Variants in FHIT observed in about 807,000 individuals in gnomAD.
FHIT encodes fragile histidine triad diadenosine triphosphatase, also known as bis(5'-adenosyl)-triphosphatase.
In FHIT, 19 loss-of-function variants were observed where a neutral mutation model predicts 17.9. That is an observed-to-expected ratio of 1.06 (90% CI 0.74 to 1.56). FHIT has a LOEUF of 1.56. FHIT is among the 40% of genes most tolerant of loss of function. FHIT has a pLI of 0.00. For synonymous variants in FHIT, 81 were observed against 69.7 expected, an observed-to-expected ratio of 1.16 and a Z score of -0.81; for missense variants, 248 against 189.2, an observed-to-expected ratio of 1.31 and a Z score of -1.82.
intron 5 of FHIT, among the ~76,000 whole-genome samples, chr3:60,505,609 A>G (rs1466185774): frequency 6.6e-6 from 1 of 152,194 alleles, no homozygotes; most frequent in East Asian, 1.9e-4. Context: ...TCATCCTCCA[A>G]GGTTTCTTCC....
At chr3:60,531,846 G>A (rs919164339) in intron 5 of FHIT, among the ~76,000 whole-genome samples, 8 of 152,264 alleles carry the variant, frequency 5.3e-5, no homozygotes. Context: ...ATTGCTCTTT[G>A]GAAAGTTAAT....
At chr3:60,543,346 A>C (rs1389031784) in intron 4 of FHIT, among the ~76,000 whole-genome samples, 1 of 152,150 alleles carries the variant, frequency 6.6e-6, no homozygotes, top group Non-Finnish European at 1.5e-5. Context: ...ATCCCATATA[A>C]ATTTTAGCCT....
At chr3:60,018,808 T>C (rs957456920) in intron 5 of FHIT, among the ~76,000 whole-genome samples, 2 of 148,184 alleles carry the variant, frequency 1.3e-5, no homozygotes, top group Non-Finnish European at 3.0e-5. Context: ...TGAAACCCCA[T>C]CTCTACTAAA....
intron 4 of FHIT, among the ~76,000 whole-genome samples, chr3:60,594,161 T>G (rs181115798): frequency 6.6e-6 from 1 of 152,214 alleles, no homozygotes; most frequent in East Asian, 1.9e-4. Context: ...AAGGAGGATG[T>G]GTGAAAGTCT....
intron 5 of FHIT, among the ~76,000 whole-genome samples, chr3:60,200,578 C>T (rs1013111966): frequency 6.6e-6 from 1 of 151,816 alleles, no homozygotes; most frequent in Non-Finnish European, 1.5e-5. Context: ...CTTTCCTCTA[C>T]AGGGCATCCA....
intron 2 of FHIT, among the ~76,000 whole-genome samples, chr3:61,055,026 T>G (rs752270555): frequency 7.9e-5 from 12 of 152,206 alleles, no homozygotes; most frequent in Non-Finnish European, 1.5e-4. Flanking sequence ...ACATTACACG[T>G]GCATTTGCAT....
chr3:60,990,380 T>A (rs1440905466), intron 3 of FHIT, among the ~76,000 whole-genome samples: 1 of 152,182 alleles, frequency 6.6e-6, no homozygotes, highest in African/African-American at 2.4e-5. Context: ...ACCCCACGCA[T>A]TGAGCAGAAC....
intron 5 of FHIT, among the ~76,000 whole-genome samples, chr3:60,253,691 A>C (rs1208540691): frequency 6.6e-6 from 1 of 152,190 alleles, no homozygotes; most frequent in African/African-American, 2.4e-5. Flanking sequence ...TTAACTATGG[A>C]AACAAGGAAG....
At chr3:60,243,254 C>T (rs1475757696) in intron 5 of FHIT, among the ~76,000 whole-genome samples, 1 of 152,058 alleles carries the variant, frequency 6.6e-6, no homozygotes, top group African/African-American at 2.4e-5. Context: ...AGAGTTAACA[C>T]TCAATGAATG....
intron 5 of FHIT, among the ~76,000 whole-genome samples, chr3:60,480,468 C>T (rs1430830859): frequency 1.3e-5 from 2 of 152,260 alleles, no homozygotes; most frequent in East Asian, 3.9e-4. Context: ...AGTTCACATC[C>T]AAAATCTCAT....
At chr3:59,749,833 GTTAGTCCCA>G (rs1049446398) in intron 9 of FHIT, 1 of 223,682 alleles carries the variant, frequency 4.5e-6, no homozygotes, top group African/African-American at 2.3e-5. Flanking sequence ...GGGAGGTATA[GTTAGTCCCA>G]TTATACTCCA....
chr3:60,138,783 A>G (rs9860134), intron 5 of FHIT, among the ~76,000 whole-genome samples: 8,222 of 152,228 alleles, frequency 0.054, 298 homozygotes, highest in Non-Finnish European at 0.078. Context: ...GACCACGAGG[A>G]GTACCACTAC....
chr3:59,762,504 A>G (rs1206707014), intron 8 of FHIT, among the ~76,000 whole-genome samples: 1 of 152,120 alleles, frequency 6.6e-6, no homozygotes, highest in Non-Finnish European at 1.5e-5. Flanking sequence ...GATGAGACAC[A>G]CAAACACTGG....
intron 8 of FHIT, among the ~76,000 whole-genome samples, chr3:59,753,565 C>T (rs141529010): frequency 1.3e-5 from 2 of 152,266 alleles, no homozygotes; most frequent in Non-Finnish European, 2.9e-5. Context: ...CGCAGGTTAT[C>T]CGTTCATTCT....
At chr3:60,933,588 T>C (rs1708062218) in intron 3 of FHIT, among the ~76,000 whole-genome samples, 1 of 152,172 alleles carries the variant, frequency 6.6e-6, no homozygotes, top group Non-Finnish European at 1.5e-5. Flanking sequence ...GAGTAGGAAG[T>C]TGAATGTTCT....
chr3:60,826,476 A>G (rs2594136), intron 3 of FHIT, among the ~76,000 whole-genome samples: 22,533 of 152,098 alleles, frequency 0.15, 2,216 homozygotes, highest in Middle Eastern at 0.28. Flanking sequence ...ATAGGCACGC[A>G]CCACTACGCC....
At chr3:61,204,778 G>A (rs936334966) in intron 1 of FHIT, among the ~76,000 whole-genome samples, 4 of 152,078 alleles carry the variant, frequency 2.6e-5, no homozygotes, top group Admixed American at 6.6e-5. Flanking sequence ...TAGGCATGAC[G>A]AAAGTTAGCA....
chr3:60,965,682 G>T (rs1338261347), intron 3 of FHIT, among the ~76,000 whole-genome samples: 2 of 152,226 alleles, frequency 1.3e-5, no homozygotes, highest in African/African-American at 4.8e-5. Context: ...CTGCAGGTCT[G>T]TTGGAGTTTG....
chr3:60,931,593 C>G (rs1036331030), intron 3 of FHIT, among the ~76,000 whole-genome samples: 33 of 128,814 alleles, frequency 2.6e-4, no homozygotes, highest in African/African-American at 7.6e-4. Flanking sequence ...CCGGCTTCCA[C>G]CCCTGTTTGT....
Sources: allele counts gnomAD v4.1 joint callset (sites outside exome capture counted in the v4.1 genomes callset), GRCh38; gene constraint gnomAD v4.1.1; transcripts MANE v1.5; gene names NCBI Gene and HGNC (gene_info 2026-07-23, HGNC 2026-07-21).